The following APOC4 variants were observed in gnomAD, a reference collection of about 807,000 sequenced individuals.
APOC4 encodes apolipoprotein C4.
APOC4 carries 10 observed loss-of-function variants against 8.4 expected under a neutral mutation model. The observed-to-expected ratio is 1.19, with a 90% confidence interval of 0.74 to 2.03. The LOEUF is 2.03. Ranked by LOEUF, APOC4 falls within the 30% of genes most tolerant of loss-of-function variation. The pLI, the probability that APOC4 is intolerant of heterozygous loss-of-function variation, is 0.00. For synonymous variants in APOC4, 59 were observed against 65.8 expected (o/e 0.90, Z 0.50); for missense variants, 160 against 156.1 (o/e 1.02, Z -0.13).
rs772085387 is a variant in APOC4, at chr19:44,942,299, C to T, written c.22C>T (p.Leu8Phe). Residue 8 changes from leucine to phenylalanine, a missense_variant, in exon 1 of 3, where the codon CTC becomes TTC. Transcript: ENST00000592954. MSLLRNR[L>F]QALPALCLCV... Reference sequence around the variant, plus strand: ...AGAAATGTCCCTCCTCAGAAACAGGCTCCAGGCCCTGCCTGCCCTGTGCCT... The same window carrying T: ...AGAAATGTCCCTCCTCAGAAACAGGTTCCAGGCCCTGCCTGCCCTGTGCCT... 14 of 1,612,976 alleles carry T rather than the reference C, an allele frequency of 8.7e-6. No homozygotes were observed. In the South Asian group the frequency reaches 1.4e-4, roughly 16 times the overall value.
At chr19:44,942,916 A>G (rs935631843) in intron 1 of APOC4, among the ~76,000 whole-genome samples, 3 of 150,494 alleles carry the variant, frequency 2.0e-5, no homozygotes, top group Non-Finnish European at 4.4e-5. Flanking sequence ...ACACGCCACC[A>G]TGCCTGGCTA....
chr19:44,942,606 G>A (rs373470320), intron 1 of APOC4, among the ~76,000 whole-genome samples: 1 of 119,614 alleles, frequency 8.4e-6, no homozygotes, highest in Non-Finnish European at 2.0e-5. Context: ...ATGCAGTCGT[G>A]GTAAAAAAGT....
At chr19:44,944,676 T>G in intron 1 of APOC4, 73 bp from the exon 2 acceptor site, 20 of 1,480,956 alleles carry the variant, frequency 1.4e-5, no homozygotes, top group African/African-American at 4.3e-5. Flanking sequence ...CGACACAGGA[T>G]GAGCATGGAG....
In APOC4 at chr19:44,944,750, A is replaced by G; in HGVS notation, c.78A>G (p.Ala26=). 2 of 1,611,002 alleles carry G rather than the reference A, an allele frequency of 1.2e-6. No individual in the cohort carries two copies. The highest frequency in any genetic ancestry group is 1.3e-5 in the African/African-American group (1 of 74,960). Residue 26 remains alanine (A), a splice_region_variant and synonymous_variant, in exon 2 of 3, where the codon GCA becomes GCG. Coordinates refer to ENST00000592954, the MANE Select transcript of APOC4 (RefSeq NM_001646.3). ...AAGTTGCCCTCTGGTTCCACCTAGCATGCCAGCCAGAGGCCCAGGAAGGAA... is the reference window on the plus strand; with the variant it reads ...AAGTTGCCCTCTGGTTCCACCTAGCGTGCCAGCCAGAGGCCCAGGAAGGAA... The part of the protein sequence containing the change: ...LCVLVLACIG[A]CQPEAQEGTL...
chr19:44,943,923 C>T (rs1287087704), intron 1 of APOC4, among the ~76,000 whole-genome samples: 2 of 152,180 alleles, frequency 1.3e-5, no homozygotes, highest in Non-Finnish European at 2.9e-5. Flanking sequence ...GTGGCCCCCG[C>T]GTGACGGCTG....
intron 1 of APOC4, 111 bp downstream of exon 1, chr19:44,942,464 T>A: frequency 9.8e-7 from 1 of 1,023,832 alleles, no homozygotes; most frequent in South Asian, 1.7e-5. Flanking sequence ...AGTGTGTGCG[T>A]TTCATGGCGT....
At position 44,945,018 on chromosome 19, in the gene APOC4, G is replaced by C. The variant is rs1255143573; in HGVS notation, c.219-122G>C. 6.6e-6 allele frequency: 10 copies of C among 1,523,452 alleles called. No individual in the cohort carries two copies. The Admixed American group carries it at 1.8e-4, about 28-fold the overall frequency. The allele number at this position is 1,523,452 out of a possible 1,614,324, so 94.4% of individuals were successfully genotyped here. ...AGTGGGGCTGTGACCCCTAGGTCTG[G>C]GAGGAGTGGAGGGTTAGAGCTGAGA... is the stretch of plus-strand genomic sequence containing the variant. On this transcript the variant is annotated intron_variant, in intron 2 of 2. Transcript: ENST00000592954.
chr19:44,944,174 TAGAG>T (rs1970290341), intron 1 of APOC4, among the ~76,000 whole-genome samples: 1 of 151,778 alleles, frequency 6.6e-6, no homozygotes, highest in African/African-American at 2.4e-5. Flanking sequence ...GGATGGCAAT[TAGAG>T]AGGCCATTAG....
intron 1 of APOC4, 99 bp downstream of exon 1, chr19:44,942,452 G>A (rs111844270): frequency 4.0e-5 from 48 of 1,209,140 alleles, no homozygotes; most frequent in African/African-American, 3.6e-4. Flanking sequence ...ACATGAGTAC[G>A]GAGTGTGTGC....
At chr19:44,944,492 A>C (rs1970293846) in intron 1 of APOC4, among the ~76,000 whole-genome samples, 1 of 151,140 alleles carries the variant, frequency 6.6e-6, no homozygotes, top group African/African-American at 2.4e-5. Context: ...ATGACACTGC[A>C]CTCCACCCTG....
chr19:44,943,726 G>GAA (rs569505878), intron 1 of APOC4, among the ~76,000 whole-genome samples: 2 of 140,268 alleles, frequency 1.4e-5, no homozygotes, highest in African/African-American at 2.6e-5. Context: ...GACTCCGTCT[G>GAA]AAAAAAAAAA....
rs748169805 is a variant in APOC4, at chr19:44,945,260, C to A, written c.339C>A (p.His113Gln). ...AAGACAGCCTCTTGAAGAAGACCCA[C>A]AGCCTGTGCCCCAGGCTTGTCTGTG... ...ESKDSLLKKT[H>Q]SLCPRLVCGD... is the part of the protein sequence containing the mutation. The change falls in exon 3 of 3, where the codon CAC (histidine) becomes CAA (glutamine). Residue 113 changes from histidine to glutamine, a missense_variant. Coordinates refer to ENST00000592954, the MANE Select transcript of APOC4 (RefSeq NM_001646.3). The A allele has an allele frequency of 1.9e-6, 3 of 1,613,948 alleles. No individual in the cohort carries two copies. In the African/African-American group the frequency reaches 4.0e-5, roughly 22 times the overall value.
chr19:44,943,861 A>T (rs1175707117), intron 1 of APOC4, among the ~76,000 whole-genome samples: 1 of 152,264 alleles, frequency 6.6e-6, no homozygotes, highest in Non-Finnish European at 1.5e-5. Flanking sequence ...AAGGAGAAAC[A>T]GTCCTGGGGA....
intron 1 of APOC4, 132 bp downstream of exon 1, chr19:44,942,485 G>A: frequency 2.6e-6 from 2 of 772,512 alleles, no homozygotes; most frequent in Non-Finnish European, 4.0e-6. Flanking sequence ...GCGTATGCAT[G>A]TGCGTGTCGG....
At chr19:44,944,344 T>C (rs1381041638) in intron 1 of APOC4, among the ~76,000 whole-genome samples, 2 of 151,776 alleles carry the variant, frequency 1.3e-5, no homozygotes, top group East Asian at 3.9e-4. Context: ...GGCCCCAACA[T>C]GGCAAAACCC....
intron 1 of APOC4, among the ~76,000 whole-genome samples, chr19:44,943,337 G>A (rs537922183): frequency 1.3e-5 from 2 of 151,792 alleles, no homozygotes; most frequent in African/African-American, 4.8e-5. Context: ...CCAAAGTGCT[G>A]GGATTACAGG....
Position 44,942,285 on chromosome 19 carries a change from T to A in APOC4, c.8T>A (p.Leu3His). The change falls in exon 1 of 3, where the codon CTC (leucine) becomes CAC (histidine). Residue 3 changes from leucine to histidine, a missense_variant. Physicochemically the swap from Leu to His is moderately conservative, Grantham distance 99. Coordinates refer to ENST00000592954, the MANE Select transcript of APOC4 (RefSeq NM_001646.3). Reference protein sequence around the residue: MSLLRNRLQALPA... With the variant: MSHLRNRLQALPA... ...GGCACGGAACCCCCAGAAATGTCCC[T>A]CCTCAGAAACAGGCTCCAGGCCCTG... 1.2e-6 allele frequency: 2 copies of A among 1,611,630 alleles called. No individual in the cohort carries two copies. The highest frequency in any genetic ancestry group is 8.5e-7 in the Non-Finnish European group (1 of 1,178,866).
Position 44,945,185 on chromosome 19 carries a change from C to T in APOC4, c.264C>T (p.Asp88=), listed in dbSNP as rs145104396. 5 of 1,614,096 alleles carry T rather than the reference C, an allele frequency of 3.1e-6. No homozygotes were observed. Among genetic ancestry groups the T allele is most frequent in the Non-Finnish European group, 4.2e-6 (5 of 1,180,012 alleles). ...GCTTCATGCAGACCTACTATGACGA[C>T]CACCTGAGGGACCTGGGTCCGCTCA... ...FRGFMQTYYD[D]HLRDLGPLTK... The change falls in exon 3 of 3, where the codon GAC becomes GAT. Residue 88 remains aspartate, a synonymous_variant. Transcript: ENST00000592954.
chr19:44,942,670 G>GT (rs750934533), intron 1 of APOC4, among the ~76,000 whole-genome samples: 1 of 151,808 alleles, frequency 6.6e-6, no homozygotes, highest in Non-Finnish European at 1.5e-5. Context: ...TGTGGGGTAT[G>GT]TGTGTGCAAA....
Sources: allele counts gnomAD v4.1 joint callset (sites outside exome capture counted in the v4.1 genomes callset), GRCh38; gene constraint gnomAD v4.1.1; transcripts MANE v1.5; gene names NCBI Gene and HGNC (gene_info 2026-07-23, HGNC 2026-07-21).